BRINP3: variants seen among roughly 807,000 people sequenced by gnomAD.
BRINP3 encodes the protein BMP/retinoic acid inducible neural specific 3.
A neutral mutation model predicts 71.0 loss-of-function variants in BRINP3; 19 were observed. That is an observed-to-expected ratio of 0.27 (90% CI 0.19 to 0.39). The LOEUF (loss-of-function observed/expected upper bound fraction) is 0.39, where lower values mean the gene tolerates loss of function less well. BRINP3 is among the 10% of genes least tolerant of loss of function. BRINP3 has a pLI of 1.00. For missense variants in BRINP3, 959 were observed against 940.8 expected (o/e 1.02, Z -0.25); for synonymous variants, 380 against 337.7 (o/e 1.13, Z -1.37).
At position 190,218,678 on chromosome 1, in the gene BRINP3, T is replaced by C. The variant is rs1656615132; in HGVS notation, c.961+7404A>G. ...GCTATGCTATAGATCTCAAAACCTATTTTTCCGGTCTAACTGAAACTTTGC... is the reference window on the plus strand; with the variant it reads ...GCTATGCTATAGATCTCAAAACCTACTTTTCCGGTCTAACTGAAACTTTGC... On this transcript the variant is annotated intron_variant, in intron 6 of 7. Transcript: ENST00000367462. 3.3e-5 allele frequency among the ~76,000 whole-genome samples: 5 copies of C among 152,098 alleles called. 1 individual carries two copies. In the South Asian group the frequency reaches 1.0e-3, roughly 32 times the overall value.
intron 7 of BRINP3, among the ~76,000 whole-genome samples, chr1:190,122,278 T>C (rs1172315546): frequency 1.3e-5 from 2 of 152,118 alleles, no homozygotes; most frequent in Non-Finnish European, 2.9e-5. Context: ...TGAATATAAA[T>C]ATTATACTGG....
chr1:190,413,799 A>T (rs1672839530), intron 2 of BRINP3, among the ~76,000 whole-genome samples: 1 of 152,168 alleles, frequency 6.6e-6, no homozygotes, highest in Non-Finnish European at 1.5e-5. Flanking sequence ...CTAACATACC[A>T]TCTATATTCA....
At chr1:190,347,651 T>A (rs1353540673) in intron 2 of BRINP3, among the ~76,000 whole-genome samples, 2 of 152,124 alleles carry the variant, frequency 1.3e-5, no homozygotes, top group Non-Finnish European at 2.9e-5. Context: ...TTTACAGAAA[T>A]TGGCAGAAAA....
At chr1:190,114,267 G>A (rs942280045) in intron 7 of BRINP3, among the ~76,000 whole-genome samples, 2 of 152,140 alleles carry the variant, frequency 1.3e-5, no homozygotes, top group African/African-American at 4.8e-5. Context: ...CTCCCTAGAA[G>A]TAGAGCAGTT....
intron 2 of BRINP3, among the ~76,000 whole-genome samples, chr1:190,321,779 T>A (rs943214083): frequency 6.6e-6 from 1 of 152,036 alleles, no homozygotes; most frequent in Non-Finnish European, 1.5e-5. Context: ...CTGAAGTTGA[T>A]AGAACAGGTA....
At chr1:190,451,929 A>G (rs763515958) in intron 2 of BRINP3, among the ~76,000 whole-genome samples, 8 of 152,166 alleles carry the variant, frequency 5.3e-5, no homozygotes, top group Non-Finnish European at 7.4e-5. Flanking sequence ...AACAGGTTTG[A>G]TATGTTTTAC....
At chr1:190,358,998 C>A (rs1282695038) in intron 2 of BRINP3, among the ~76,000 whole-genome samples, 2 of 151,948 alleles carry the variant, frequency 1.3e-5, no homozygotes. Context: ...ACATCACACA[C>A]CAGCTCCTGT....
At chr1:190,221,216 T>TCAAA (rs977841311) in intron 6 of BRINP3, among the ~76,000 whole-genome samples, 11 of 152,082 alleles carry the variant, frequency 7.2e-5, no homozygotes, top group Admixed American at 6.6e-4. Flanking sequence ...AGACTCCATC[T>TCAAA]CAAACAAACA....
At chr1:190,324,273 G>T (rs1666439283) in intron 2 of BRINP3, among the ~76,000 whole-genome samples, 1 of 151,888 alleles carries the variant, frequency 6.6e-6, no homozygotes, top group African/African-American at 2.4e-5. Flanking sequence ...TTAAAAATAA[G>T]TTGAAAATTA....
At chr1:190,146,186 C>A (rs946641165) in intron 7 of BRINP3, among the ~76,000 whole-genome samples, 1 of 152,000 alleles carries the variant, frequency 6.6e-6, no homozygotes, top group Non-Finnish European at 1.5e-5. Flanking sequence ...ACCACCTGTA[C>A]CCCAAAACTA....
intron 6 of BRINP3, among the ~76,000 whole-genome samples, chr1:190,173,826 T>C (rs1652246459): frequency 6.6e-6 from 1 of 152,164 alleles, no homozygotes; most frequent in Admixed American, 6.6e-5. Context: ...ATTAGCATTG[T>C]TTCAAATTTT....
chr1:190,171,387 T>G (rs1187741516), intron 6 of BRINP3, among the ~76,000 whole-genome samples: 3 of 152,182 alleles, frequency 2.0e-5, no homozygotes, highest in Non-Finnish European at 4.4e-5. Flanking sequence ...AAAAATACCC[T>G]TTCTTTTAAA....
chr1:190,304,098 C>T (rs1176477063), intron 2 of BRINP3, among the ~76,000 whole-genome samples: 1 of 151,780 alleles, frequency 6.6e-6, no homozygotes, highest in Non-Finnish European at 1.5e-5. Context: ...CTGCCACTAA[C>T]TCGTTTTATG....
At chr1:190,425,331 T>C (rs749537044) in intron 2 of BRINP3, among the ~76,000 whole-genome samples, 38 of 151,900 alleles carry the variant, frequency 2.5e-4, no homozygotes, top group Middle Eastern at 3.4e-3. Context: ...TTCAAAGCAA[T>C]ACCAATTACT....
intron 2 of BRINP3, among the ~76,000 whole-genome samples, chr1:190,444,525 T>A (rs926818395): frequency 4.6e-5 from 7 of 151,754 alleles, no homozygotes; most frequent in South Asian, 2.1e-4. Context: ...TTATTTATTT[T>A]TATTTATTTT....
chr1:190,226,949 A>G (rs1213239514), intron 5 of BRINP3, among the ~76,000 whole-genome samples: 1 of 151,988 alleles, frequency 6.6e-6, no homozygotes, highest in Non-Finnish European at 1.5e-5. Flanking sequence ...GATATAACTC[A>G]TTAGTTTTCT....
intron 2 of BRINP3, among the ~76,000 whole-genome samples, chr1:190,417,968 T>C (rs1260521422): frequency 6.6e-6 from 1 of 152,160 alleles, no homozygotes. Flanking sequence ...AAGACAGAAG[T>C]TTCCTCTATG....
At chr1:190,279,014 T>G (rs1662840789) in intron 3 of BRINP3, among the ~76,000 whole-genome samples, 1 of 151,784 alleles carries the variant, frequency 6.6e-6, no homozygotes, top group South Asian at 2.1e-4. Context: ...TTTTGATCTC[T>G]TCTGTCTTTC....
chr1:190,122,701 C>T (rs1249338350), intron 7 of BRINP3, among the ~76,000 whole-genome samples: 2 of 152,056 alleles, frequency 1.3e-5, no homozygotes, highest in Non-Finnish European at 2.9e-5. Flanking sequence ...GCACGTTGTG[C>T]ACATGTACCC....
Sources: gnomAD v4.1 joint callset for allele counts (sites outside exome capture counted in the v4.1 genomes callset) on GRCh38, gnomAD v4.1.1 for gene constraint, MANE v1.5 for transcripts, NCBI Gene and HGNC (gene_info 2026-07-23, HGNC 2026-07-21) for gene names.